Variants in ATAD2B observed in about 807,000 individuals in gnomAD.
ATAD2B encodes ATPase family AAA domain containing 2B.
Under a neutral mutation model 167.6 loss-of-function variants are expected in ATAD2B, and 40 were observed. That is an observed-to-expected ratio of 0.24 (90% CI 0.19 to 0.31). The LOEUF is 0.31. Among genes scored for constraint, ATAD2B ranks in the 10% least tolerant of loss-of-function variants. The probability of loss-of-function intolerance (pLI) is 1.00; values close to 1 mark genes in which losing one functional copy is unlikely to be tolerated. For missense variants in ATAD2B, 1,242 were observed against 1,757.2 expected, an observed-to-expected ratio of 0.71 and a Z score of 5.24; for synonymous variants, 579 against 596.5, an observed-to-expected ratio of 0.97 and a Z score of 0.43.
At chr2:23,715,873 C>T in the ATAD2B span, among the ~76,000 whole-genome samples, 1 of 152,150 alleles carries the variant, frequency 6.6e-6, no homozygotes, top group African/African-American at 2.4e-5. Context: ...TGATAAACTA[C>T]AGAGCTGACA....
At chr2:23,850,458 C>T (rs546097782) in intron 13 of ATAD2B, among the ~76,000 whole-genome samples, 1 of 152,230 alleles carries the variant, frequency 6.6e-6, no homozygotes, top group East Asian at 1.9e-4. Context: ...TTCTAAGCTT[C>T]CATCTTAATC....
intron 7 of ATAD2B, among the ~76,000 whole-genome samples, chr2:23,880,055 T>TTA (rs1345009989): frequency 7.7e-6 from 1 of 129,968 alleles, no homozygotes; most frequent in Non-Finnish European, 1.7e-5. Context: ...ACTCTGTTTT[T>TTA]AAAAAAAAAA....
At chr2:23,734,580 T>G in the ATAD2B span, among the ~76,000 whole-genome samples, 1 of 152,150 alleles carries the variant, frequency 6.6e-6, no homozygotes, top group Non-Finnish European at 1.5e-5. Context: ...GCAGGGGAAG[T>G]AGGCACGTCT....
chr2:23,842,131 G>A (rs966580487), intron 13 of ATAD2B, among the ~76,000 whole-genome samples: 3 of 151,834 alleles, frequency 2.0e-5, no homozygotes, highest in African/African-American at 7.3e-5. Flanking sequence ...GATATATTTG[G>A]GTTTAAATCT....
intron 22 of ATAD2B, among the ~76,000 whole-genome samples, chr2:23,772,284 A>C (rs906877612): frequency 9.2e-5 from 14 of 152,168 alleles, no homozygotes; most frequent in African/African-American, 3.4e-4. Context: ...CCAAAGTAGG[A>C]TGTGCCTTAA....
chr2:23,855,796 G>C (rs1429911124), intron 13 of ATAD2B, among the ~76,000 whole-genome samples: 1 of 152,226 alleles, frequency 6.6e-6, no homozygotes, highest in Non-Finnish European at 1.5e-5. Context: ...GGCTGAGGCA[G>C]TAGGATCACT....
chr2:23,797,932 A>G (rs989103267), intron 19 of ATAD2B, among the ~76,000 whole-genome samples: 22 of 152,170 alleles, frequency 1.4e-4, no homozygotes, highest in Non-Finnish European at 2.4e-4. Context: ...CTCAATCTTT[A>G]TAACAACACT....
At chr2:23,762,800 T>C (rs534352225) in intron 23 of ATAD2B, among the ~76,000 whole-genome samples, 37 of 152,338 alleles carry the variant, frequency 2.4e-4, no homozygotes, top group African/African-American at 7.2e-4. Context: ...TCCTGCATTA[T>C]ATTCCTAAGA....
At chr2:23,851,040 G>A (rs2712053) in intron 13 of ATAD2B, among the ~76,000 whole-genome samples, 5,891 of 152,250 alleles carry the variant, frequency 0.039, 110 homozygotes, top group South Asian at 0.046. Flanking sequence ...CCAGAAAGCA[G>A]GTCCTCACCA....
At chr2:23,712,331 G>A in the ATAD2B span, among the ~76,000 whole-genome samples, 2 of 152,328 alleles carry the variant, frequency 1.3e-5, no homozygotes, top group African/African-American at 2.4e-5. Context: ...CTTTAGAAGT[G>A]GTTTTAAAAA....
At chr2:23,696,075 C>G in the ATAD2B span, 1 of 1,551,816 alleles carries the variant, frequency 6.4e-7, no homozygotes, top group South Asian at 1.2e-5. The surrounding 1 kb of genome is among the most constrained non-coding windows in gnomAD (Gnocchi z 5.5). Flanking sequence ...CCTCGCTGCC[C>G]TTCTATGACC....
chr2:23,859,364 C>T (rs1693972290), intron 12 of ATAD2B, among the ~76,000 whole-genome samples: 1 of 151,970 alleles, frequency 6.6e-6, no homozygotes, highest in East Asian at 1.9e-4. Flanking sequence ...GGCTGGAGTG[C>T]AGTGACATAA....
the ATAD2B span, chr2:23,691,999 G>A: frequency 2.2e-6 from 2 of 912,270 alleles, no homozygotes; most frequent in East Asian, 5.3e-5. Context: ...CTCACATGTG[G>A]CTGAGTTTGG....
intron 14 of ATAD2B, among the ~76,000 whole-genome samples, chr2:23,831,436 A>G (rs1321147475): frequency 1.3e-5 from 2 of 152,210 alleles, no homozygotes; most frequent in Non-Finnish European, 2.9e-5. Context: ...TGGCCAAACC[A>G]TAGGACTGAG....
intron 15 of ATAD2B, 67 bp downstream of exon 15, chr2:23,828,782 A>AGG: frequency 1.0e-6 from 1 of 999,050 alleles, no homozygotes. Flanking sequence ...CACATTCCAA[A>AGG]TAAGGGGAAA....
rs550530357 is a variant in ATAD2B at position 23,898,785 on chromosome 2, T to G, written c.217-2815A>C. 2.4e-3 allele frequency among the ~76,000 whole-genome samples: 358 copies of G among 152,310 alleles called. 1 individual carries two copies. The highest frequency in any genetic ancestry group is 2.3e-3 in the South Asian group (11 of 4,818). Reference sequence around the variant, plus strand: ...TGAGAGGTCAAGGCAGGACGACTGCTTGAGGCCAGGAGTGCCAGACTAGCC... The same window carrying G: ...TGAGAGGTCAAGGCAGGACGACTGCGTGAGGCCAGGAGTGCCAGACTAGCC... On this transcript the variant is annotated intron_variant, in intron 1 of 27. Coordinates refer to ENST00000238789, the MANE Select transcript of ATAD2B (RefSeq NM_017552.4).
chr2:23,841,579 T>C (rs929161025), intron 13 of ATAD2B, among the ~76,000 whole-genome samples: 1 of 151,938 alleles, frequency 6.6e-6, no homozygotes, highest in Non-Finnish European at 1.5e-5. Context: ...ACGGTAGTAT[T>C]ATCACAACAC....
chr2:23,712,815 A>AAAAGTAC, the ATAD2B span, among the ~76,000 whole-genome samples: 1 of 152,228 alleles, frequency 6.6e-6, no homozygotes, highest in African/African-American at 2.4e-5. Context: ...TTCACCATCC[A>AAAAGTAC]AACTTGCCAT....
At chr2:23,911,997 A>G (rs1288112964) in intron 1 of ATAD2B, among the ~76,000 whole-genome samples, 1 of 151,460 alleles carries the variant, frequency 6.6e-6, no homozygotes, top group African/African-American at 2.4e-5. Context: ...AAAAAAAAGT[A>G]GAAGATGCAC....
Sources: allele counts gnomAD v4.1 joint callset (sites outside exome capture counted in the v4.1 genomes callset), GRCh38; gene constraint gnomAD v4.1.1; non-coding constraint Gnocchi (gnomAD v3.1); transcripts MANE v1.5; gene names NCBI Gene and HGNC (gene_info 2026-07-23, HGNC 2026-07-21).